The following ARID4B variants were observed in gnomAD, a reference collection of about 807,000 sequenced individuals.
The protein encoded by ARID4B is AT-rich interaction domain 4B.
A neutral mutation model predicts 147.5 loss-of-function variants in ARID4B; 26 were observed. The ratio of observed to expected loss-of-function variants is 0.18; its 90% CI spans 0.13 to 0.24. The LOEUF is 0.24. Ranked by LOEUF, ARID4B falls within the 10% of genes least tolerant of loss-of-function variation. The probability of loss-of-function intolerance (pLI) is 1.00; values close to 1 mark genes in which losing one functional copy is unlikely to be tolerated. For missense variants in ARID4B, 1,179 were observed against 1,511.5 expected, an observed-to-expected ratio of 0.78 and a Z score of 3.65; for synonymous variants, 512 against 507.9, an observed-to-expected ratio of 1.01 and a Z score of -0.11.
At chr1:235,298,287 TAA>T (rs561804536) in intron 2 of ARID4B, among the ~76,000 whole-genome samples, 95 of 152,188 alleles carry the variant, frequency 6.2e-4, no homozygotes, top group African/African-American at 2.1e-3. Flanking sequence ...TAAATTTCCA[TAA>T]AGTTTTAAAG....
intron 21 of ARID4B, among the ~76,000 whole-genome samples, chr1:235,175,892 C>T (rs894276557): frequency 7.2e-5 from 11 of 152,256 alleles, no homozygotes; most frequent in African/African-American, 2.4e-4. Context: ...TGAAATTACT[C>T]TTAAATAACT....
At chr1:235,197,688 A>G (rs1393640016) in intron 17 of ARID4B, among the ~76,000 whole-genome samples, 1 of 152,252 alleles carries the variant, frequency 6.6e-6, no homozygotes, top group Non-Finnish European at 1.5e-5. Context: ...ATAAGACTAC[A>G]ATTTAAAAAC....
intron 2 of ARID4B, among the ~76,000 whole-genome samples, chr1:235,275,400 G>A (rs900352779): frequency 6.6e-6 from 1 of 152,184 alleles, no homozygotes; most frequent in African/African-American, 2.4e-5. Flanking sequence ...TGCACAGGGA[G>A]AAGTAGAGAA....
chr1:235,304,619 C>G (rs1673415870), intron 2 of ARID4B, among the ~76,000 whole-genome samples: 1 of 152,114 alleles, frequency 6.6e-6, no homozygotes, highest in African/African-American at 2.4e-5. Context: ...TGCTATAAAT[C>G]ATCACCATCC....
At chr1:235,220,838 T>C (rs1286466466) in intron 14 of ARID4B, among the ~76,000 whole-genome samples, 2 of 152,112 alleles carry the variant, frequency 1.3e-5, no homozygotes, top group African/African-American at 4.8e-5. Flanking sequence ...CCTTAGTAAA[T>C]CTCATTTAGT....
intron 17 of ARID4B, among the ~76,000 whole-genome samples, chr1:235,204,263 A>G (rs1441403749): frequency 3.9e-5 from 6 of 152,214 alleles, no homozygotes; most frequent in Non-Finnish European, 8.8e-5. Flanking sequence ...CGGAGGTTGC[A>G]GTGAGCCAAG....
At chr1:235,195,329 A>C (rs1479066448) in intron 18 of ARID4B, among the ~76,000 whole-genome samples, 1 of 152,146 alleles carries the variant, frequency 6.6e-6, no homozygotes, top group Non-Finnish European at 1.5e-5. Context: ...GTGGTGGCTC[A>C]CACCTATAAT....
intron 2 of ARID4B, among the ~76,000 whole-genome samples, chr1:235,270,613 C>T (rs1670919301): frequency 6.6e-6 from 1 of 152,190 alleles, no homozygotes; most frequent in Admixed American, 6.5e-5. Context: ...GAATTTTCTG[C>T]CTCGGCAAAC....
rs1173557361 is a variant in ARID4B, at chr1:235,237,029, T to C, written c.586-2537A>G. On this transcript the variant is annotated intron_variant, in intron 8 of 23. Transcript: ENST00000264183. The stretch of plus-strand genomic sequence containing the variant: ...CTGGGACTATAAGCACGCACCACCA[T>C]GTCCTGCAAATTTTTCCATTTTTAG... Among the ~76,000 whole-genome samples the C allele has an allele frequency of 2.7e-5, 4 of 148,260 alleles. No individual in the cohort carries two copies. In the South Asian group the frequency reaches 8.7e-4, roughly 32 times the overall value.
chr1:235,182,918 C>G, intron 19 of ARID4B, 125 bp from the exon 20 acceptor site: 1 of 802,584 alleles, frequency 1.2e-6, no homozygotes, highest in Non-Finnish European at 1.8e-6. Flanking sequence ...GCTTTTATCT[C>G]TATGTAACAT....
chr1:235,219,905 T>C lies in ARID4B; in HGVS notation c.1471A>G (p.Ile491Val), dbSNP rs751322615. 1 of 1,596,002 alleles carries C rather than the reference T, an allele frequency of 6.3e-7. No individual in the cohort carries two copies. The highest frequency in any genetic ancestry group is 8.6e-7 in the Non-Finnish European group (1 of 1,165,820). The change falls in exon 16 of 24, where the codon ATT (isoleucine) becomes GTT (valine). Residue 491 changes from isoleucine (I) to valine (V), a missense_variant. By Grantham distance (29) the Ile-to-Val change is conservative (BLOSUM62 3). Coordinates refer to ENST00000264183, the MANE Select transcript of ARID4B (RefSeq NM_016374.6). ...THSDQEKEVNIKKPEDNENLD... is the reference protein window; with the variant it reads ...THSDQEKEVNVKKPEDNENLD... ...TTTTCATTGTCTTCTGGTTTTTTAA[T>C]GTTAACTTCTTTTTCCTGATCAGAA...
chr1:235,265,114 C>G (rs973914559), intron 2 of ARID4B, among the ~76,000 whole-genome samples: 1 of 151,422 alleles, frequency 6.6e-6, no homozygotes. Context: ...TATAATAATC[C>G]CAGCACTTTG....
intron 19 of ARID4B, among the ~76,000 whole-genome samples, chr1:235,187,835 T>C (rs1273919339): frequency 6.6e-6 from 1 of 152,166 alleles, no homozygotes; most frequent in Non-Finnish European, 1.5e-5. Flanking sequence ...ATGAAGAGAA[T>C]ACTTAAAATG....
At chr1:235,286,591 T>C (rs986518386) in intron 2 of ARID4B, among the ~76,000 whole-genome samples, 7 of 152,048 alleles carry the variant, frequency 4.6e-5, no homozygotes, top group Non-Finnish European at 1.0e-4. Flanking sequence ...TTCTGATGGG[T>C]TGAAATGAGA....
chr1:235,306,694 C>G (rs997813765), intron 2 of ARID4B, among the ~76,000 whole-genome samples: 2 of 151,972 alleles, frequency 1.3e-5, no homozygotes, highest in South Asian at 2.1e-4. Context: ...CTCCCTCTGT[C>G]GCCCAGGCTG....
At chr1:235,305,713 C>G (rs1044828764) in intron 2 of ARID4B, among the ~76,000 whole-genome samples, 3 of 152,140 alleles carry the variant, frequency 2.0e-5, no homozygotes, top group African/African-American at 7.2e-5. Flanking sequence ...AATCCCAGCA[C>G]TTTAGGAGGC....
intron 2 of ARID4B, among the ~76,000 whole-genome samples, chr1:235,269,782 G>C (rs148248594): frequency 1.3e-5 from 2 of 151,904 alleles, no homozygotes; most frequent in African/African-American, 4.8e-5. Context: ...TGGTGAAGGA[G>C]ATTACATGAA....
At chr1:235,316,886 T>C (rs1010272041) in intron 2 of ARID4B, among the ~76,000 whole-genome samples, 2 of 152,058 alleles carry the variant, frequency 1.3e-5, no homozygotes, top group African/African-American at 4.8e-5. Context: ...AAATCAGAAA[T>C]GCTACAAAAA....
chr1:235,232,868 G>C (rs1479119344), intron 9 of ARID4B, among the ~76,000 whole-genome samples: 2 of 151,516 alleles, frequency 1.3e-5, no homozygotes, highest in African/African-American at 2.4e-5. Flanking sequence ...ATGGAATCTT[G>C]TTGTTGTCAC....
Sources: allele counts gnomAD v4.1 joint callset (sites outside exome capture counted in the v4.1 genomes callset), GRCh38; gene constraint gnomAD v4.1.1; transcripts MANE v1.5; gene names NCBI Gene and HGNC (gene_info 2026-07-23, HGNC 2026-07-21).